The following GRM7 variants were observed in gnomAD, a reference collection of about 807,000 sequenced individuals.
The protein encoded by GRM7 is glutamate metabotropic receptor 7, also known as metabotropic glutamate receptor 7.
Under a neutral mutation model 84.5 loss-of-function variants are expected in GRM7, and 35 were observed. The observed-to-expected ratio is 0.41, with a 90% CI of 0.32 to 0.55. The LOEUF is 0.55. GRM7 is among the 20% of genes least tolerant of loss of function. The pLI, the probability that GRM7 is intolerant of heterozygous loss-of-function variation, is 0.19. For missense variants in GRM7, 1,003 were observed against 1,194.6 expected (o/e 0.84, Z 2.36); for synonymous variants, 487 against 455.1 (o/e 1.07, Z -0.89).
At chr3:7,648,096 T>C (rs1698738041) in intron 8 of GRM7, among the ~76,000 whole-genome samples, 1 of 152,152 alleles carries the variant, frequency 6.6e-6, no homozygotes, top group Non-Finnish European at 1.5e-5. Flanking sequence ...ACACAACTTA[T>C]TTGTGTGGCA....
At chr3:7,702,666 C>G (rs1391599415) in intron 9 of GRM7, among the ~76,000 whole-genome samples, 1 of 152,130 alleles carries the variant, frequency 6.6e-6, no homozygotes, top group Non-Finnish European at 1.5e-5. Context: ...ATTTGAAACA[C>G]TTAAACACGT....
At chr3:7,005,376 A>G (rs954448101) in intron 1 of GRM7, among the ~76,000 whole-genome samples, 4 of 152,222 alleles carry the variant, frequency 2.6e-5, no homozygotes, top group Non-Finnish European at 5.9e-5. Flanking sequence ...ACTCATTCAT[A>G]TCACATGAAT....
chr3:7,396,818 T>G (rs1695230491), intron 4 of GRM7, among the ~76,000 whole-genome samples: 1 of 152,198 alleles, frequency 6.6e-6, no homozygotes, highest in South Asian at 2.1e-4. Flanking sequence ...CACTTCATTT[T>G]AAAGTGCTAC....
At chr3:7,461,491 C>A in intron 6 of GRM7, 92 bp from the exon 7 acceptor site, 2 of 1,068,168 alleles carry the variant, frequency 1.9e-6, no homozygotes, top group Admixed American at 1.9e-5. Context: ...TACCTTTCTC[C>A]TCGTTAAGTC....
At chr3:7,566,103 GTTTTTT>G (rs58178956) in intron 7 of GRM7, among the ~76,000 whole-genome samples, 198 of 129,898 alleles carry the variant, frequency 1.5e-3, no homozygotes, top group African/African-American at 5.0e-3. Context: ...TGAATCAGCT[GTTTTTT>G]TTTTTTTTTT....
At chr3:6,948,173 C>G (rs1196952833) in intron 1 of GRM7, among the ~76,000 whole-genome samples, 2 of 151,306 alleles carry the variant, frequency 1.3e-5, no homozygotes, top group African/African-American at 4.9e-5. Flanking sequence ...GATCTTTCTG[C>G]TTTCTCTTGT....
chr3:6,971,400 C>A (rs889225915), intron 1 of GRM7, among the ~76,000 whole-genome samples: 3 of 152,108 alleles, frequency 2.0e-5, no homozygotes, highest in Non-Finnish European at 4.4e-5. Context: ...CAATTAGTTG[C>A]CTACCTAATA....
chr3:7,068,161 A>G (rs1697733650), intron 1 of GRM7, among the ~76,000 whole-genome samples: 1 of 152,038 alleles, frequency 6.6e-6, no homozygotes, highest in African/African-American at 2.4e-5. Flanking sequence ...GTGTTTTAAA[A>G]TACTTAGAAG....
chr3:7,477,439 C>T (rs558508982), intron 7 of GRM7, among the ~76,000 whole-genome samples: 60 of 152,200 alleles, frequency 3.9e-4, no homozygotes, highest in African/African-American at 1.3e-3. Context: ...TCAACCCTGA[C>T]GCAAACTGGC....
intron 1 of GRM7, among the ~76,000 whole-genome samples, chr3:6,947,152 C>T (rs1424055244): frequency 4.6e-5 from 7 of 152,098 alleles, no homozygotes. Flanking sequence ...GGAATGCTTC[C>T]AGTTTTTGTC....
rs555828927 is a variant in GRM7, at chr3:7,476,332, G to T, written c.1515+14610G>T. On this transcript the variant is annotated intron_variant, in intron 7 of 9. Coordinates refer to ENST00000357716, the MANE Select transcript of GRM7 (RefSeq NM_000844.4). ...GGAGGCTGAAGCGGGAGGATAACAAGGTCAGGAGATCAAGACCATCCTGGC... is the reference window on the plus strand; with the variant it reads ...GGAGGCTGAAGCGGGAGGATAACAATGTCAGGAGATCAAGACCATCCTGGC... 3.9e-5 allele frequency among the ~76,000 whole-genome samples: 6 copies of T among 152,260 alleles called. No individual in the cohort carries two copies. The East Asian group carries it at 7.7e-4, about 20-fold the overall frequency.
At chr3:6,881,265 CTA>C (rs1377266482) in intron 1 of GRM7, among the ~76,000 whole-genome samples, 14 of 152,084 alleles carry the variant, frequency 9.2e-5, no homozygotes, top group African/African-American at 2.9e-4. Context: ...CATGCATTTT[CTA>C]TGTTTCCTAA....
intron 4 of GRM7, among the ~76,000 whole-genome samples, chr3:7,402,738 A>G (rs1695503109): frequency 6.6e-6 from 1 of 151,744 alleles, no homozygotes; most frequent in African/African-American, 2.4e-5. Context: ...ATATTTTCAT[A>G]GGAATTCAAA....
intron 1 of GRM7, among the ~76,000 whole-genome samples, chr3:6,939,136 C>CT (rs934558781): frequency 1.3e-5 from 2 of 152,180 alleles, no homozygotes; most frequent in Middle Eastern, 3.4e-3. Flanking sequence ...TTAATGCAAC[C>CT]TTTTTTTAGA....
chr3:7,533,020 A>G (rs954471960), intron 7 of GRM7, among the ~76,000 whole-genome samples: 9 of 152,124 alleles, frequency 5.9e-5, no homozygotes, highest in African/African-American at 2.2e-4. Context: ...GAGACCAACA[A>G]AGAGACTTAG....
At chr3:7,089,999 T>C (rs949745373) in intron 1 of GRM7, among the ~76,000 whole-genome samples, 25 of 151,968 alleles carry the variant, frequency 1.6e-4, no homozygotes, top group African/African-American at 6.0e-4. Flanking sequence ...CGCACCACCA[T>C]GTCTGGCTAA....
intron 2 of GRM7, among the ~76,000 whole-genome samples, chr3:7,295,085 C>A (rs1376023596): frequency 1.3e-5 from 2 of 152,108 alleles, no homozygotes; most frequent in African/African-American, 4.8e-5. Flanking sequence ...ATTGCCAAAC[C>A]CAAGGTCATA....
intron 1 of GRM7, among the ~76,000 whole-genome samples, chr3:7,113,919 A>G (rs1338328545): frequency 6.6e-6 from 1 of 152,186 alleles, no homozygotes; most frequent in Non-Finnish European, 1.5e-5. Flanking sequence ...ACATCTCTAT[A>G]AATTATCTCA....
chr3:7,526,858 G>A (rs753929182), intron 7 of GRM7, among the ~76,000 whole-genome samples: 6 of 151,842 alleles, frequency 4.0e-5, no homozygotes, highest in South Asian at 2.1e-4. Flanking sequence ...TTTCTTCTGA[G>A]TTTTCTATAT....
Sources: gnomAD v4.1 joint callset for allele counts (sites outside exome capture counted in the v4.1 genomes callset) on GRCh38, gnomAD v4.1.1 for gene constraint, MANE v1.5 for transcripts, NCBI Gene and HGNC (gene_info 2026-07-23, HGNC 2026-07-21) for gene names.